Variants in ZCWPW2 observed in about 807,000 individuals in gnomAD.
ZCWPW2 encodes zinc finger CW-type PWWP domain protein 2.
A neutral mutation model predicts 46.6 loss-of-function variants in ZCWPW2; 45 were observed. The observed-to-expected ratio is 0.96, with a 90% CI of 0.76 to 1.24. ZCWPW2 has a LOEUF of 1.24. Ranked by LOEUF, ZCWPW2 falls within the 50% of genes most tolerant of loss-of-function variation. The pLI, the probability that ZCWPW2 is intolerant of heterozygous loss-of-function variation, is 0.00. For synonymous variants in ZCWPW2, 152 were observed against 137.1 expected (o/e 1.11, Z -0.76); for missense variants, 429 against 403.9 (o/e 1.06, Z -0.53).
At chr3:28,436,653 T>C (rs1044454292) in intron 4 of ZCWPW2, among the ~76,000 whole-genome samples, 2 of 152,172 alleles carry the variant, frequency 1.3e-5, no homozygotes, top group African/African-American at 4.8e-5. Context: ...ACTATTCAGT[T>C]TGAAGCAGGT....
intron 1 of ZCWPW2, among the ~76,000 whole-genome samples, chr3:28,384,611 TTTC>T (rs1362726105): frequency 2.7e-5 from 4 of 148,560 alleles, no homozygotes; most frequent in Non-Finnish European, 4.5e-5. Context: ...CCAATCTTTC[TTTC>T]TTTTTTTTTT....
chr3:28,413,447 G>C (rs557433253), intron 3 of ZCWPW2, 47 bp downstream of exon 3: 1 of 1,428,370 alleles, frequency 7.0e-7, no homozygotes, highest in East Asian at 2.3e-5. Context: ...GTCTTGCTAG[G>C]TTTATGAATA....
chr3:28,385,190 A>T (rs1695229107), intron 1 of ZCWPW2, among the ~76,000 whole-genome samples: 1 of 152,180 alleles, frequency 6.6e-6, no homozygotes. Context: ...CACATATCAG[A>T]CCTGTTGAAA....
chr3:28,364,542 A>G (rs1705055346), intron 1 of ZCWPW2, among the ~76,000 whole-genome samples: 1 of 152,076 alleles, frequency 6.6e-6, no homozygotes, highest in African/African-American at 2.4e-5. Flanking sequence ...TGTTTTTCAT[A>G]CTGATTGTAT....
chr3:28,356,041 C>G (rs576694085), intron 1 of ZCWPW2, among the ~76,000 whole-genome samples: 5 of 152,200 alleles, frequency 3.3e-5, no homozygotes, highest in Admixed American at 6.5e-5. Flanking sequence ...GCAAAAGAAA[C>G]TACCATCACA....
chr3:28,404,160 A>C (rs143626972), intron 2 of ZCWPW2, among the ~76,000 whole-genome samples: 3,984 of 152,174 alleles, frequency 0.026, 152 homozygotes, highest in African/African-American at 0.085. Context: ...AATATCCAGA[A>C]TCTACAATGA....
At chr3:28,489,849 C>T (rs906080918) in intron 5 of ZCWPW2, among the ~76,000 whole-genome samples, 1 of 151,846 alleles carries the variant, frequency 6.6e-6, no homozygotes, top group African/African-American at 2.4e-5. Flanking sequence ...ACTCCTGGAC[C>T]TAATTAAATG....
intron 1 of ZCWPW2, among the ~76,000 whole-genome samples, chr3:28,368,566 A>T (rs2125699740): frequency 6.6e-6 from 1 of 152,222 alleles, no homozygotes; most frequent in Middle Eastern, 3.4e-3. Context: ...GGGTAACCCG[A>T]CCTTTCTCTC....
At chr3:28,514,568 T>A (rs1700514894) in intron 7 of ZCWPW2, among the ~76,000 whole-genome samples, 1 of 152,190 alleles carries the variant, frequency 6.6e-6, no homozygotes, top group African/African-American at 2.4e-5. Flanking sequence ...CAATCCTTGA[T>A]TCTGTTTCAC....
intron 4 of ZCWPW2, among the ~76,000 whole-genome samples, chr3:28,468,961 C>T (rs1341285240): frequency 6.6e-6 from 1 of 152,008 alleles, no homozygotes; most frequent in Non-Finnish European, 1.5e-5. Context: ...AACTGCTCTT[C>T]AGTGGAAAGA....
chr3:28,380,965 T>A (rs1253110657), intron 1 of ZCWPW2, among the ~76,000 whole-genome samples: 8,096 of 45,594 alleles, frequency 0.18, 2,747 homozygotes, highest in Non-Finnish European at 0.21. Context: ...TATATATATA[T>A]ATATATTTGG....
intron 4 of ZCWPW2, among the ~76,000 whole-genome samples, chr3:28,471,986 A>G (rs1699054116): frequency 6.6e-6 from 1 of 152,184 alleles, no homozygotes; most frequent in South Asian, 2.1e-4. Flanking sequence ...TTAGCTGCAT[A>G]TAAAATAAAA....
intron 1 of ZCWPW2, among the ~76,000 whole-genome samples, chr3:28,381,978 C>T (rs1695121996): frequency 2.0e-5 from 3 of 151,952 alleles, no homozygotes; most frequent in Admixed American, 1.3e-4. Flanking sequence ...TCCAGACCAA[C>T]ATGGAGAAGC....
chr3:28,435,027 G>T (rs1291672060), intron 3 of ZCWPW2, 83 bp from the exon 4 acceptor site: 7 of 1,451,506 alleles, frequency 4.8e-6, no homozygotes, highest in Non-Finnish European at 5.6e-6. Flanking sequence ...TTCAAAGGAG[G>T]AAGTTAATAT....
At chr3:28,366,557 G>A (rs1393755472) in intron 1 of ZCWPW2, among the ~76,000 whole-genome samples, 1 of 137,376 alleles carries the variant, frequency 7.3e-6, no homozygotes, top group Non-Finnish European at 1.6e-5. Flanking sequence ...GTATTTTATT[G>A]AGGATTTTTG....
At chr3:28,403,670 C>G (rs1277050808) in intron 2 of ZCWPW2, among the ~76,000 whole-genome samples, 8 of 152,160 alleles carry the variant, frequency 5.3e-5, no homozygotes, top group Non-Finnish European at 1.2e-4. Flanking sequence ...GTCACCAAAA[C>G]AGCATGGTAC....
chr3:28,372,322 A>G (rs1261257727), intron 1 of ZCWPW2, among the ~76,000 whole-genome samples: 1 of 152,162 alleles, frequency 6.6e-6, no homozygotes, highest in Non-Finnish European at 1.5e-5. Flanking sequence ...TGATATAAAG[A>G]CATGGAAGTT....
chr3:28,482,220 C>T (rs1400037764), intron 5 of ZCWPW2, among the ~76,000 whole-genome samples: 1 of 152,146 alleles, frequency 6.6e-6, no homozygotes, highest in East Asian at 1.9e-4. Context: ...TTGGCTTTTC[C>T]AGAATGTCAT....
intron 1 of ZCWPW2, among the ~76,000 whole-genome samples, chr3:28,360,174 A>C (rs931035426): frequency 1.3e-5 from 2 of 151,972 alleles, no homozygotes; most frequent in Non-Finnish European, 2.9e-5. Flanking sequence ...GAAACAAAGC[A>C]GACTTTCAGG....
Sources: allele counts gnomAD v4.1 joint callset (sites outside exome capture counted in the v4.1 genomes callset), GRCh38; gene constraint gnomAD v4.1.1; transcripts MANE v1.5; gene names NCBI Gene and HGNC (gene_info 2026-07-23, HGNC 2026-07-21).